Variants in TM9SF4 observed in about 807,000 individuals in gnomAD.
TM9SF4 encodes the protein transmembrane 9 superfamily member 4.
In TM9SF4, 26 loss-of-function variants were observed where a neutral mutation model predicts 90.4. The observed-to-expected ratio is 0.29, with a 90% CI of 0.21 to 0.40. The LOEUF is 0.40. TM9SF4 is among the 10% of genes least tolerant of loss of function. The probability of loss-of-function intolerance (pLI) is 1.00; values close to 1 mark genes in which losing one functional copy is unlikely to be tolerated. For synonymous variants in TM9SF4, 293 were observed against 315.4 expected (o/e 0.93, Z 0.75); for missense variants, 549 against 834.8 (o/e 0.66, Z 4.22).
rs534658451 is a variant in TM9SF4, at chr20:32,143,348, C to T, written c.652+243C>T. ...CCCTTCCCAGCAACCCCAGGAGGTACGTGATGATTACAAAGGAAGAACTAG... is the reference window on the plus strand; with the variant it reads ...CCCTTCCCAGCAACCCCAGGAGGTATGTGATGATTACAAAGGAAGAACTAG... On this transcript the variant is annotated intron_variant, in intron 6 of 17. Coordinates refer to ENST00000398022, the MANE Select transcript of TM9SF4 (RefSeq NM_014742.4). Among the ~76,000 whole-genome samples the T allele has an allele frequency of 5.3e-5, 8 of 152,156 alleles. No homozygotes were observed. The South Asian group carries it at 1.2e-3, about 24-fold the overall frequency.
chr20:32,141,385 T>C, intron 3 of TM9SF4, 112 bp from the exon 4 acceptor site: 4 of 1,315,770 alleles, frequency 3.0e-6, no homozygotes, highest in Non-Finnish European at 3.2e-6. Flanking sequence ...GAGGCACTGC[T>C]GAAGTCCTTG....
At chr20:32,119,152 ATTTAT>A (rs947492823) in intron 1 of TM9SF4, among the ~76,000 whole-genome samples, 1 of 151,938 alleles carries the variant, frequency 6.6e-6, no homozygotes, top group Non-Finnish European at 1.5e-5. Context: ...AGGCTGAGTA[ATTTAT>A]AAAGAAAAGA....
In TM9SF4 at chr20:32,141,393, T is replaced by G. The variant is rs540850791; in HGVS notation, c.230-104T>G. 8.5e-6 allele frequency: 12 copies of G among 1,411,024 alleles called. No homozygotes were observed. The East Asian group carries it at 2.3e-4, about 27-fold the overall frequency. The allele number at this position is 1,411,024 out of a possible 1,614,324, so 87.4% of individuals were successfully genotyped here. A position where few individuals can be genotyped will look rare whatever the true frequency, so the allele number is the denominator to read the frequency against. ...CCAGGCTGAGGCACTGCTGAAGTCCTTGAAAGCCCATGTTTGCCCCGCAGT... is the reference window on the plus strand; with the variant it reads ...CCAGGCTGAGGCACTGCTGAAGTCCGTGAAAGCCCATGTTTGCCCCGCAGT... On this transcript the variant is annotated intron_variant, in intron 3 of 17. Transcript: ENST00000398022.
chr20:32,127,383 T>C (rs1317387228), intron 1 of TM9SF4, among the ~76,000 whole-genome samples: 1 of 152,154 alleles, frequency 6.6e-6, no homozygotes, highest in Non-Finnish European at 1.5e-5. Context: ...GCAAGTTACT[T>C]AACTTCTGGG....
chr20:32,123,861 TA>T (rs770745911), intron 1 of TM9SF4, among the ~76,000 whole-genome samples: 7,845 of 82,408 alleles, frequency 0.095, 522 homozygotes, highest in East Asian at 0.44. Context: ...TATATATATA[TA>T]TATATTTTTT....
chr20:32,140,016 G>A (rs2046648903), intron 3 of TM9SF4, among the ~76,000 whole-genome samples: 3 of 152,172 alleles, frequency 2.0e-5, no homozygotes, highest in African/African-American at 2.4e-5. Flanking sequence ...GCTAGGCCAT[G>A]CACTCTATGA....
chr20:32,123,145 A>T (rs1388653314), intron 1 of TM9SF4, among the ~76,000 whole-genome samples: 1 of 109,898 alleles, frequency 9.1e-6, no homozygotes, highest in Non-Finnish European at 1.8e-5. Flanking sequence ...GCTCGGCATG[A>T]GAGGGAGACC....
intron 15 of TM9SF4, chr20:32,159,519 C>T (rs2046981507): frequency 6.3e-6 from 1 of 159,074 alleles, no homozygotes; most frequent in African/African-American, 2.4e-5. Context: ...GGTACCAAAG[C>T]CCATGTGCAC....
intron 14 of TM9SF4, 31 bp downstream of exon 14, chr20:32,158,000 G>A: frequency 6.2e-7 from 1 of 1,612,558 alleles, no homozygotes; most frequent in South Asian, 1.1e-5. Context: ...AAGAGCAGGG[G>A]AACGTGGAAG....
intron 6 of TM9SF4, among the ~76,000 whole-genome samples, chr20:32,144,215 A>G (rs2046725924): frequency 6.6e-6 from 1 of 152,156 alleles, no homozygotes; most frequent in African/African-American, 2.4e-5. Flanking sequence ...AAGTGCTTGG[A>G]TTACAGGCGT....
intron 3 of TM9SF4, chr20:32,136,996 A>G: frequency 2.1e-6 from 1 of 469,110 alleles, no homozygotes; most frequent in South Asian, 1.5e-5. Flanking sequence ...ATCTACTGCC[A>G]GGTATTGGGG....
At chr20:32,124,653 CTT>C (rs1027926679) in intron 1 of TM9SF4, among the ~76,000 whole-genome samples, 1 of 151,166 alleles carries the variant, frequency 6.6e-6, no homozygotes, top group African/African-American at 2.4e-5. Context: ...ATGGCACAAT[CTT>C]GGCTCACTGC....
chr20:32,158,356 G>T, intron 14 of TM9SF4, 95 bp from the exon 15 acceptor site: 2 of 1,178,746 alleles, frequency 1.7e-6, no homozygotes, highest in Admixed American at 3.4e-5. Flanking sequence ...CACCACACTC[G>T]TGTAGGTGCT....
At chr20:32,148,108 C>T (rs1349176976) in intron 9 of TM9SF4, among the ~76,000 whole-genome samples, 1 of 152,100 alleles carries the variant, frequency 6.6e-6, no homozygotes, top group Non-Finnish European at 1.5e-5. Context: ...AAGACTCCGT[C>T]TCATAAATAA....
chr20:32,114,688 G>A (rs2046195091), intron 1 of TM9SF4, among the ~76,000 whole-genome samples: 1 of 152,250 alleles, frequency 6.6e-6, no homozygotes, highest in African/African-American at 2.4e-5. Flanking sequence ...ATAGAGTCCT[G>A]GAACAGAAGG....
intron 13 of TM9SF4, among the ~76,000 whole-genome samples, chr20:32,157,361 CAT>C (rs1203199449): frequency 6.6e-6 from 1 of 152,242 alleles, no homozygotes; most frequent in Non-Finnish European, 1.5e-5. Flanking sequence ...CTTCTATACA[CAT>C]AGTTTATAGC....
chr20:32,127,585 G>C (rs991919220), intron 1 of TM9SF4, among the ~76,000 whole-genome samples: 2 of 152,152 alleles, frequency 1.3e-5, no homozygotes, highest in Admixed American at 1.3e-4. Flanking sequence ...CTGGCTTCTT[G>C]TTGTTTTTTG....
intron 1 of TM9SF4, among the ~76,000 whole-genome samples, chr20:32,120,500 T>G (rs1472352618): frequency 2.0e-5 from 3 of 151,982 alleles, no homozygotes; most frequent in African/African-American, 7.3e-5. Flanking sequence ...TTGGTTAACT[T>G]GTTTATTAGT....
intron 17 of TM9SF4, among the ~76,000 whole-genome samples, chr20:32,163,268 A>AAATAT (rs1555886757): frequency 1.3e-4 from 10 of 74,488 alleles, no homozygotes; most frequent in African/African-American, 3.0e-4. Flanking sequence ...AAAAAAAAAA[A>AAATAT]ATATATATAT....
Sources: allele counts gnomAD v4.1 joint callset (sites outside exome capture counted in the v4.1 genomes callset), GRCh38; gene constraint gnomAD v4.1.1; transcripts MANE v1.5; gene names NCBI Gene and HGNC (gene_info 2026-07-23, HGNC 2026-07-21).